Variants in CDH12 observed in about 807,000 individuals in gnomAD.
CDH12 encodes cadherin-12.
A neutral mutation model predicts 74.1 loss-of-function variants in CDH12; 41 were observed. That is an observed-to-expected ratio of 0.55 (90% CI 0.43 to 0.72). The LOEUF (loss-of-function observed/expected upper bound fraction) is 0.72. Among genes scored for constraint, CDH12 ranks in the 30% least tolerant of loss-of-function variants. CDH12 has a pLI of 0.00. For synonymous variants in CDH12, 399 were observed against 355.0 expected (o/e 1.12, Z -1.39); for missense variants, 945 against 977.2 (o/e 0.97, Z 0.44).
chr5:22,828,343 CAAAT>C (rs1312882589), intron 1 of CDH12, among the ~76,000 whole-genome samples: 1 of 152,034 alleles, frequency 6.6e-6, no homozygotes, highest in Non-Finnish European at 1.5e-5. Flanking sequence ...GTAGACTGAA[CAAAT>C]GGTCTTATCA....
intron 11 of CDH12, among the ~76,000 whole-genome samples, chr5:21,766,017 G>A (rs976942090): frequency 2.0e-5 from 3 of 151,928 alleles, no homozygotes; most frequent in Admixed American, 2.0e-4. Context: ...AAAATCTAAA[G>A]ACCATGTTTA....
At chr5:22,746,371 G>A (rs1745297406) in intron 1 of CDH12, among the ~76,000 whole-genome samples, 2 of 152,254 alleles carry the variant, frequency 1.3e-5, no homozygotes, top group Non-Finnish European at 2.9e-5. Context: ...CTAATGAGTA[G>A]TGCCAAAAAG....
intron 2 of CDH12, among the ~76,000 whole-genome samples, chr5:22,435,820 C>A (rs1744363463): frequency 6.6e-6 from 1 of 152,128 alleles, no homozygotes; most frequent in Admixed American, 6.6e-5. Flanking sequence ...GATAAACTGG[C>A]TCATCTGATC....
At chr5:21,888,107 C>T (rs1377779803) in intron 6 of CDH12, among the ~76,000 whole-genome samples, 1 of 152,098 alleles carries the variant, frequency 6.6e-6, no homozygotes, top group Non-Finnish European at 1.5e-5. Flanking sequence ...GGGGTAGTAA[C>T]ATGCAGGCAA....
At chr5:22,730,283 A>G (rs572285225) in intron 1 of CDH12, among the ~76,000 whole-genome samples, 1 of 151,998 alleles carries the variant, frequency 6.6e-6, no homozygotes, top group South Asian at 2.1e-4. Context: ...ATTCTGGAGT[A>G]GATATTTAGA....
chr5:22,245,924 A>G (rs1043687648), intron 3 of CDH12, among the ~76,000 whole-genome samples: 1 of 152,124 alleles, frequency 6.6e-6, no homozygotes, highest in Non-Finnish European at 1.5e-5. Context: ...AAGATTTATG[A>G]CCTAGAACAC....
At chr5:22,630,578 T>C (rs936178458) in intron 1 of CDH12, among the ~76,000 whole-genome samples, 1 of 152,120 alleles carries the variant, frequency 6.6e-6, no homozygotes. Context: ...CTGGGATAAT[T>C]GGCTAGCTAT....
intron 1 of CDH12, among the ~76,000 whole-genome samples, chr5:22,624,658 CA>C (rs1051307164): frequency 1.1e-4 from 16 of 152,094 alleles, no homozygotes; most frequent in Non-Finnish European, 2.2e-4. Context: ...AGTCAGGAAA[CA>C]ATAGGTGCTG....
chr5:21,932,468 C>A (rs747871995), intron 6 of CDH12, among the ~76,000 whole-genome samples: 1 of 152,178 alleles, frequency 6.6e-6, no homozygotes, highest in Non-Finnish European at 1.5e-5. Flanking sequence ...AAAAAATACT[C>A]AGCTCTCTGC....
In CDH12 at chr5:22,521,918, A is replaced by G. The variant is rs140699724; in HGVS notation, c.-522-16554T>C. Among the ~76,000 whole-genome samples the G allele has an allele frequency of 6.2e-4, 95 of 152,302 alleles. 1 individual carries two copies. The highest frequency in any genetic ancestry group is 9.1e-4 in the Non-Finnish European group (62 of 68,024). On this transcript the variant is annotated intron_variant, in intron 1 of 14. Transcript: ENST00000382254. ...AAGACTCATTTTTATGATGTCTAAC[A>G]CCACAGTTCTCAACCAAATTAGCAA...
chr5:22,347,741 A>G (rs1251449854), intron 3 of CDH12, among the ~76,000 whole-genome samples: 1 of 152,206 alleles, frequency 6.6e-6, no homozygotes, highest in Non-Finnish European at 1.5e-5. Flanking sequence ...TAGCATTAGT[A>G]GTATTACCAT....
At chr5:22,186,921 G>C (rs1162957903) in intron 4 of CDH12, among the ~76,000 whole-genome samples, 2 of 152,102 alleles carry the variant, frequency 1.3e-5, no homozygotes, top group Non-Finnish European at 2.9e-5. Flanking sequence ...AAATATTAAT[G>C]AAAAATATCT....
chr5:22,442,925 A>G (rs1744683008), intron 2 of CDH12, among the ~76,000 whole-genome samples: 1 of 152,128 alleles, frequency 6.6e-6, no homozygotes, highest in Non-Finnish European at 1.5e-5. Flanking sequence ...CACAAACACA[A>G]TTTGTATATC....
intron 6 of CDH12, among the ~76,000 whole-genome samples, chr5:21,965,665 C>G (rs1446891085): frequency 6.6e-6 from 1 of 151,250 alleles, no homozygotes; most frequent in African/African-American, 2.4e-5. Context: ...CCTGTGATAC[C>G]TTCACTCTAA....
intron 4 of CDH12, among the ~76,000 whole-genome samples, chr5:22,165,868 G>C (rs1221008818): frequency 6.6e-6 from 1 of 152,164 alleles, no homozygotes; most frequent in Non-Finnish European, 1.5e-5. Flanking sequence ...CAAATGCCAT[G>C]GCAAGATCAG....
At chr5:22,163,247 C>T (rs1748470896) in intron 4 of CDH12, among the ~76,000 whole-genome samples, 1 of 152,122 alleles carries the variant, frequency 6.6e-6, no homozygotes, top group Non-Finnish European at 1.5e-5. Context: ...TGTTTATATA[C>T]ATTTGGTTGG....
intron 3 of CDH12, among the ~76,000 whole-genome samples, chr5:22,287,876 C>G (rs186117354): frequency 6.6e-6 from 1 of 152,160 alleles, no homozygotes. Context: ...ATGATGCTTA[C>G]TAACAGGTTT....
chr5:21,965,204 T>C (rs1756526547), intron 6 of CDH12, among the ~76,000 whole-genome samples: 1 of 152,058 alleles, frequency 6.6e-6, no homozygotes. Context: ...TCTAATCTTA[T>C]AGCAAAGTTT....
At chr5:22,039,571 C>G (rs1308405593) in intron 5 of CDH12, among the ~76,000 whole-genome samples, 1 of 152,114 alleles carries the variant, frequency 6.6e-6, no homozygotes, top group East Asian at 1.9e-4. Flanking sequence ...AGGATCAGCT[C>G]TACTAAATAT....
Sources: gnomAD v4.1 joint callset for allele counts (sites outside exome capture counted in the v4.1 genomes callset) on GRCh38, gnomAD v4.1.1 for gene constraint, MANE v1.5 for transcripts, NCBI Gene and HGNC (gene_info 2026-07-23, HGNC 2026-07-21) for gene names.